ARAP2: variants seen among roughly 807,000 people sequenced by gnomAD.
The protein encoded by ARAP2 is arf-GAP with Rho-GAP domain, ANK repeat and PH domain-containing protein 2.
In ARAP2, 148 loss-of-function variants were observed where a neutral mutation model predicts 194.5. That is an observed-to-expected ratio of 0.76 (90% CI 0.67 to 0.87). The LOEUF (loss-of-function observed/expected upper bound fraction) is 0.87. Among genes scored for constraint, ARAP2 ranks in the 40% least tolerant of loss-of-function variants. ARAP2 has a pLI of 0.00. For missense variants in ARAP2, 2,128 were observed against 1,989.7 expected, an observed-to-expected ratio of 1.07 and a Z score of -1.32; for synonymous variants, 695 against 683.5, an observed-to-expected ratio of 1.02 and a Z score of -0.26.
chr4:36,121,358 C>T, intron 22 of ARAP2, 32 bp from the exon 23 acceptor site: 6 of 1,525,856 alleles, frequency 3.9e-6, no homozygotes, highest in Non-Finnish European at 4.4e-6. Flanking sequence ...TATTATGATA[C>T]ACTTTTATTT....
chr4:36,055,259 A>G (rs1402917688), intron 2 of ARAP2, among the ~76,000 whole-genome samples: 1 of 152,190 alleles, frequency 6.6e-6, no homozygotes, highest in Non-Finnish European at 1.5e-5. Flanking sequence ...TAATATGGTT[A>G]TAAAATCTTG....
chr4:36,124,828 T>G, intron 22 of ARAP2, 34 bp downstream of exon 22: 8 of 1,352,146 alleles, frequency 5.9e-6, no homozygotes, highest in Non-Finnish European at 6.3e-6. Context: ...GTGCTGTGTT[T>G]GAAATGTCGA....
intron 32 of ARAP2, among the ~76,000 whole-genome samples, chr4:36,068,855 C>T (rs1244217746): frequency 1.3e-5 from 2 of 151,970 alleles, no homozygotes; most frequent in African/African-American, 4.8e-5. Context: ...GGTATGTAAC[C>T]CCATCATAAG....
chr4:36,184,730 A>G (rs1018360705), intron 8 of ARAP2, among the ~76,000 whole-genome samples: 1 of 152,218 alleles, frequency 6.6e-6, no homozygotes, highest in African/African-American at 2.4e-5. Context: ...TAGCAATGTG[A>G]AATTCATTTG....
chr4:36,128,574 A>G lies in ARAP2; in HGVS notation c.3599T>C (p.Leu1200Pro). 6.2e-7 allele frequency: 1 copy of G among 1,613,060 alleles called. No individual in the cohort carries two copies. The highest frequency in any genetic ancestry group is 8.5e-7 in the Non-Finnish European group (1 of 1,179,570). The part of the protein sequence containing the change: ...KSFLSDIDDA[L>P]LTKELYPYWI... ...ATATGGGTAGAGCTCCTTAGTAAGC[A>G]GTGCATCATCAATGTCAGAGAGAAA... Residue 1200 changes from leucine (L) to proline (P), a missense_variant, in exon 21 of 33, where the codon CTG (leucine) becomes CCG (proline). Physicochemically the swap from Leu to Pro is moderately conservative, Grantham distance 98. Coordinates refer to ENST00000303965, the MANE Select transcript of ARAP2 (RefSeq NM_015230.4).
At chr4:36,155,451 G>A (rs1732030869) in intron 15 of ARAP2, among the ~76,000 whole-genome samples, 1 of 152,122 alleles carries the variant, frequency 6.6e-6, no homozygotes, top group Admixed American at 6.6e-5. Context: ...TGAGGGAAGT[G>A]CCCTCTTTGC....
chr4:36,097,260 G>T (rs1174098552), intron 27 of ARAP2, among the ~76,000 whole-genome samples: 1 of 151,950 alleles, frequency 6.6e-6, no homozygotes. Context: ...GTTTTGAAAG[G>T]AATATATGCT....
At chr4:36,172,817 C>T (rs1397419669) in intron 9 of ARAP2, among the ~76,000 whole-genome samples, 2 of 152,288 alleles carry the variant, frequency 1.3e-5, no homozygotes, top group East Asian at 3.9e-4. Flanking sequence ...ATGACATTGG[C>T]ACCAGCTTTC....
At chr4:36,028,977 A>G (rs2109357739) in intron 5 of ARAP2, among the ~76,000 whole-genome samples, 1 of 152,112 alleles carries the variant, frequency 6.6e-6, no homozygotes, top group South Asian at 2.1e-4. Flanking sequence ...ACTTTAAGGA[A>G]ATTAATGAGG....
intron 10 of ARAP2, among the ~76,000 whole-genome samples, chr4:36,166,037 T>C (rs1421194999): frequency 6.6e-6 from 1 of 152,188 alleles, no homozygotes; most frequent in African/African-American, 2.4e-5. Context: ...AATATATTAA[T>C]ACCTATATTT....
At chr4:36,216,749 A>T (rs981643761) in intron 2 of ARAP2, among the ~76,000 whole-genome samples, 1 of 152,222 alleles carries the variant, frequency 6.6e-6, no homozygotes, top group Non-Finnish European at 1.5e-5. Flanking sequence ...ACTACTAAAA[A>T]AAACTAATAA....
chr4:36,147,218 C>G, intron 19 of ARAP2, 78 bp downstream of exon 19: 1 of 1,306,552 alleles, frequency 7.7e-7, no homozygotes, highest in Non-Finnish European at 1.1e-6. Flanking sequence ...TGTTTTCTCC[C>G]TCAAGATAAT....
In ARAP2 at chr4:36,213,314, T is replaced by C; in HGVS notation, c.970A>G (p.Asn324Asp). Residue 324 changes from asparagine to aspartate, a missense_variant, in exon 4 of 33, where the codon AAT (asparagine) becomes GAT (aspartate). By Grantham distance (23) the Asn-to-Asp change is conservative (BLOSUM62 1). Transcript: ENST00000303965. ...AAGATGGAAGATGAATTCTCCTCAT[T>C]TGAATCTTTTAGGGGAATTACAGGA... is the stretch of plus-strand genomic sequence containing the variant. ...TEKSVAWQNS[N>D]EENSSSIFPY... 1 of 1,600,964 alleles carries C rather than the reference T, an allele frequency of 6.2e-7. No homozygotes were observed.
chr4:36,067,868 TA>T lies in ARAP2; in HGVS notation c.*38del. The T allele has an allele frequency of 6.5e-7, 1 of 1,526,768 alleles. No individual in the cohort carries two copies. Among genetic ancestry groups the T allele is most frequent in the Non-Finnish European group, 8.8e-7 (1 of 1,137,454 alleles). 94.6% of individuals were successfully genotyped at this position (1,526,768 alleles called of 1,614,324 possible). A position where few individuals can be genotyped will look rare whatever the true frequency, so the allele number is the denominator to read the frequency against. Reference sequence around the variant, plus strand: ...AGTTACACATAAAGATTGCATACAATATTAAAAAAATAATCTGGGGAGCAAT... The same window carrying T: ...AGTTACACATAAAGATTGCATACAATTTAAAAAAATAATCTGGGGAGCAAT... On this transcript the variant is annotated 3_prime_UTR_variant, in exon 33 of 33. Coordinates refer to ENST00000303965, the MANE Select transcript of ARAP2 (RefSeq NM_015230.4).
intron 11 of ARAP2, among the ~76,000 whole-genome samples, chr4:36,164,165 TTCTC>T (rs959842670): frequency 1.6e-4 from 24 of 152,254 alleles, no homozygotes; most frequent in South Asian, 1.2e-3. Context: ...TTGAGTTGAA[TTCTC>T]TCTCTCTGTC....
chr4:36,014,179 A>G (rs568015005), intron 8 of ARAP2, among the ~76,000 whole-genome samples: 1 of 150,198 alleles, frequency 6.7e-6, no homozygotes, highest in South Asian at 2.1e-4. Flanking sequence ...GTGAGCTGAC[A>G]TTGTACAACT....
intron 9 of ARAP2, among the ~76,000 whole-genome samples, chr4:36,175,734 G>A (rs561085180): frequency 1.2e-4 from 19 of 152,258 alleles, no homozygotes; most frequent in Middle Eastern, 3.4e-3. Context: ...AAAAGATGGA[G>A]AGGGGTTCAG....
chr4:36,130,748 C>T (rs1300119347), intron 20 of ARAP2, among the ~76,000 whole-genome samples: 4 of 151,722 alleles, frequency 2.6e-5, no homozygotes, highest in Non-Finnish European at 2.9e-5. Context: ...TGTATATATC[C>T]GGCAGTTACA....
chr4:36,186,172 T>G (rs974922617), intron 8 of ARAP2, among the ~76,000 whole-genome samples: 1 of 152,166 alleles, frequency 6.6e-6, no homozygotes, highest in Non-Finnish European at 1.5e-5. Context: ...TAAATAAAAG[T>G]TGTCCATAAA....
Sources: allele counts gnomAD v4.1 joint callset (sites outside exome capture counted in the v4.1 genomes callset), GRCh38; gene constraint gnomAD v4.1.1; transcripts MANE v1.5; gene names NCBI Gene and HGNC (gene_info 2026-07-23, HGNC 2026-07-21).